The following AUTS2 variants were observed in gnomAD, a reference collection of about 807,000 sequenced individuals.
AUTS2 encodes activator of transcription and developmental regulator AUTS2, also known as autism susceptibility gene 2 protein.
A neutral mutation model predicts 112.4 loss-of-function variants in AUTS2; 17 were observed. That is an observed-to-expected ratio of 0.15 (90% CI 0.10 to 0.23). The LOEUF (loss-of-function observed/expected upper bound fraction) is 0.23, where lower values mean the gene tolerates loss of function less well. Ranked by LOEUF, AUTS2 falls within the 10% of genes least tolerant of loss-of-function variation. The pLI, the probability that AUTS2 is intolerant of heterozygous loss-of-function variation, is 1.00. For missense variants in AUTS2, 1,510 were observed against 1,701.6 expected (o/e 0.89, Z 1.98); for synonymous variants, 751 against 702.7 (o/e 1.07, Z -1.09).
At chr7:69,775,787 A>T (rs1165901312) in intron 1 of AUTS2, among the ~76,000 whole-genome samples, 1 of 152,186 alleles carries the variant, frequency 6.6e-6, no homozygotes, top group African/African-American at 2.4e-5. Context: ...AAGGAAAGTC[A>T]TTCTTTCAAT....
chr7:70,758,610 AAGAG>A (rs745307489), intron 6 of AUTS2, among the ~76,000 whole-genome samples: 42 of 152,326 alleles, frequency 2.8e-4, no homozygotes, highest in Non-Finnish European at 5.3e-4. Flanking sequence ...TAATCACAAG[AAGAG>A]AGAGTTTTAA....
rs184431564 is a variant in AUTS2 at position 70,486,220 on chromosome 7, G to A, written c.690+50439G>A. Among the ~76,000 whole-genome samples the A allele has an allele frequency of 3.3e-5, 5 of 152,242 alleles. No individual in the cohort carries two copies. The East Asian group carries it at 9.7e-4, about 29-fold the overall frequency. ...CACCCCAGTCCTCCAAGGGCACAGGGCACAGGGGTTAGCATGTAAGCTTGC... is the reference window on the plus strand; with the variant it reads ...CACCCCAGTCCTCCAAGGGCACAGGACACAGGGGTTAGCATGTAAGCTTGC... On this transcript the variant is annotated intron_variant, in intron 5 of 18. Coordinates refer to ENST00000342771, the MANE Select transcript of AUTS2 (RefSeq NM_015570.4).
intron 2 of AUTS2, among the ~76,000 whole-genome samples, chr7:70,007,568 G>C (rs1418395845): frequency 1.3e-5 from 2 of 151,990 alleles, no homozygotes; most frequent in Non-Finnish European, 2.9e-5. Flanking sequence ...TAGTCACTAT[G>C]GTACGTGCTT....
At chr7:70,605,536 C>T (rs1260901030) in intron 5 of AUTS2, among the ~76,000 whole-genome samples, 11 of 113,772 alleles carry the variant, frequency 9.7e-5, no homozygotes, top group Admixed American at 1.9e-4. Context: ...TTCTTTCTTT[C>T]CTTCTTTCTC....
At chr7:70,190,111 C>T (rs887830244) in intron 4 of AUTS2, among the ~76,000 whole-genome samples, 1 of 152,140 alleles carries the variant, frequency 6.6e-6, no homozygotes, top group Non-Finnish European at 1.5e-5. Flanking sequence ...AAATAAAGAT[C>T]ACAATAAGAA....
intron 4 of AUTS2, among the ~76,000 whole-genome samples, chr7:70,296,864 C>CA (rs1244651285): frequency 2.2e-5 from 3 of 135,684 alleles, no homozygotes; most frequent in Non-Finnish European, 4.6e-5. Flanking sequence ...TTTTTTGAGA[C>CA]AGTGTCTTGC....
intron 4 of AUTS2, among the ~76,000 whole-genome samples, chr7:70,310,807 C>T (rs182218289): frequency 3.9e-4 from 60 of 152,202 alleles, no homozygotes; most frequent in Non-Finnish European, 6.9e-4. Flanking sequence ...GCTCCTGGCT[C>T]GGCCTGCAAA....
At chr7:70,701,073 G>C (rs1809431048) in intron 6 of AUTS2, among the ~76,000 whole-genome samples, 1 of 152,254 alleles carries the variant, frequency 6.6e-6, no homozygotes, top group Non-Finnish European at 1.5e-5. Flanking sequence ...ACCTCCAGAT[G>C]TTTAAGTTAC....
intron 5 of AUTS2, among the ~76,000 whole-genome samples, chr7:70,638,320 G>T (rs532634581): frequency 3.9e-5 from 6 of 152,234 alleles, no homozygotes; most frequent in African/African-American, 9.6e-5. Context: ...ACCCCAGCTT[G>T]GGTACCAGGG....
In AUTS2 at chr7:69,929,841, A is replaced by G. The variant is rs574385210; in HGVS notation, c.522+30343A>G. On this transcript the variant is annotated intron_variant, in intron 2 of 18. Coordinates refer to ENST00000342771, the MANE Select transcript of AUTS2 (RefSeq NM_015570.4). ...TTTCACTTTATTGATTATTCTACTCATTATGGGTCATGCTTTTCTGCCTCA... is the reference window on the plus strand; with the variant it reads ...TTTCACTTTATTGATTATTCTACTCGTTATGGGTCATGCTTTTCTGCCTCA... Among the ~76,000 whole-genome samples the G allele has an allele frequency of 2.2e-4, 34 of 152,290 alleles. No homozygotes were observed. The South Asian group carries it at 3.5e-3, about 16-fold the overall frequency.
At chr7:70,733,301 T>G (rs1254992701) in intron 6 of AUTS2, among the ~76,000 whole-genome samples, 1 of 152,140 alleles carries the variant, frequency 6.6e-6, no homozygotes, top group Non-Finnish European at 1.5e-5. Context: ...TAACCACAGT[T>G]TACATCACTC....
rs891754522 is a variant in AUTS2 at position 69,635,546 on chromosome 7, A to T, written c.309+35584A>T. 1.1e-4 allele frequency among the ~76,000 whole-genome samples: 17 copies of T among 152,312 alleles called. No individual in the cohort carries two copies. The East Asian group carries it at 2.7e-3, about 24-fold the overall frequency. ...GAATGCTCTAGCCCTGCAGTACCAG[A>T]GGGCACCTGGATTAATGTTCTGGGC... On this transcript the variant is annotated intron_variant, in intron 1 of 18. Transcript: ENST00000342771.
intron 4 of AUTS2, among the ~76,000 whole-genome samples, chr7:70,192,848 T>TG (rs1368062636): frequency 1.3e-5 from 2 of 152,164 alleles, no homozygotes; most frequent in Non-Finnish European, 2.9e-5. Context: ...AAGGAGCAAA[T>TG]GACATGGACG....
At chr7:70,477,743 G>GT (rs1797635871) in intron 5 of AUTS2, among the ~76,000 whole-genome samples, 1 of 152,174 alleles carries the variant, frequency 6.6e-6, no homozygotes, top group African/African-American at 2.4e-5. Context: ...GGAGAGTTTT[G>GT]TGATTGTCAA....
Position 70,599,382 on chromosome 7 carries a change from C to T in AUTS2, c.691-99187C>T, listed in dbSNP as rs561748690. On this transcript the variant is annotated intron_variant, in intron 5 of 18. Coordinates refer to ENST00000342771, the MANE Select transcript of AUTS2 (RefSeq NM_015570.4). ...GGTATCTTTCTGTCTTTACACTCGACCTGATGGCTCATAGAGTCTCCTCAT... is the reference window on the plus strand; with the variant it reads ...GGTATCTTTCTGTCTTTACACTCGATCTGATGGCTCATAGAGTCTCCTCAT... Among the ~76,000 whole-genome samples, 4 of 152,332 alleles carry T rather than the reference C, an allele frequency of 2.6e-5. No homozygotes were observed. In the South Asian group the frequency reaches 8.3e-4, roughly 32 times the overall value.
chr7:70,189,884 A>G (rs748153853), intron 4 of AUTS2, among the ~76,000 whole-genome samples: 3 of 152,094 alleles, frequency 2.0e-5, no homozygotes, highest in Non-Finnish European at 2.9e-5. Flanking sequence ...GCCATCTTCT[A>G]TAGTGCAGTG....
In AUTS2 at chr7:70,001,419, C is replaced by T. The variant is rs972461960; in HGVS notation, c.522+101921C>T. On this transcript the variant is annotated intron_variant, in intron 2 of 18. Coordinates refer to ENST00000342771, the MANE Select transcript of AUTS2 (RefSeq NM_015570.4). The stretch of plus-strand genomic sequence containing the variant: ...GGGATTACAGGTGCGAGACACCACA[C>T]GGCCAAGTTTTTTTCTGATAAAGAC... Among the ~76,000 whole-genome samples the T allele has an allele frequency of 7.9e-5, 12 of 151,990 alleles. 1 individual carries two copies. The highest frequency in any genetic ancestry group is 2.2e-4 in the African/African-American group (9 of 41,362).
chr7:70,289,343 C>G (rs752361542), intron 4 of AUTS2, among the ~76,000 whole-genome samples: 2 of 152,132 alleles, frequency 1.3e-5, no homozygotes, highest in Non-Finnish European at 1.5e-5. Context: ...ATTCTGAGAC[C>G]AGGGAATAAA....
chr7:69,744,937 G>A (rs757730698), intron 1 of AUTS2, among the ~76,000 whole-genome samples: 1 of 152,210 alleles, frequency 6.6e-6, no homozygotes. Context: ...CTGTTATCCT[G>A]TTGTGCACCC....
Sources: allele counts gnomAD v4.1 joint callset (sites outside exome capture counted in the v4.1 genomes callset), GRCh38; gene constraint gnomAD v4.1.1; transcripts MANE v1.5; gene names NCBI Gene and HGNC (gene_info 2026-07-23, HGNC 2026-07-21).